Variants in FHIT observed in about 807,000 individuals in gnomAD.
The protein encoded by FHIT is fragile histidine triad diadenosine triphosphatase.
FHIT carries 19 observed loss-of-function variants against 17.9 expected under a neutral mutation model. That is an observed-to-expected ratio of 1.06 (90% CI 0.74 to 1.56). FHIT has a LOEUF of 1.56. Ranked by LOEUF, FHIT falls within the 40% of genes most tolerant of loss-of-function variation. The probability of loss-of-function intolerance (pLI) is 0.00; values close to 1 mark genes in which losing one functional copy is unlikely to be tolerated. For synonymous variants in FHIT, 81 were observed against 69.7 expected (o/e 1.16, Z -0.81); for missense variants, 248 against 189.2 (o/e 1.31, Z -1.82).
intron 9 of FHIT, chr3:59,751,641 C>CAAAG (rs1157625281): frequency 4.4e-6 from 1 of 225,394 alleles, no homozygotes; most frequent in Non-Finnish European, 8.8e-6. Flanking sequence ...ATCATTAAGA[C>CAAAG]AAAGATTAAT....
intron 5 of FHIT, among the ~76,000 whole-genome samples, chr3:60,063,578 G>T (rs1481485772): frequency 6.6e-6 from 1 of 152,136 alleles, no homozygotes; most frequent in Non-Finnish European, 1.5e-5. Context: ...GCCATTGAAA[G>T]ATAAGCAAAT....
chr3:60,303,515 T>G (rs901017204), intron 5 of FHIT, among the ~76,000 whole-genome samples: 1 of 152,176 alleles, frequency 6.6e-6, no homozygotes, highest in Non-Finnish European at 1.5e-5. Context: ...GCTGGACCCA[T>G]GGAAGACCAT....
chr3:60,441,332 T>C (rs1052462134), intron 5 of FHIT, among the ~76,000 whole-genome samples: 2 of 152,022 alleles, frequency 1.3e-5, no homozygotes, highest in African/African-American at 4.8e-5. Flanking sequence ...TTTCTAAAAA[T>C]GTCTAGCAAT....
At chr3:59,767,520 T>C (rs1337918610) in intron 8 of FHIT, among the ~76,000 whole-genome samples, 1 of 152,138 alleles carries the variant, frequency 6.6e-6, no homozygotes, top group Non-Finnish European at 1.5e-5. Context: ...TGGAGTGGTG[T>C]TCCTGGCTGA....
intron 5 of FHIT, among the ~76,000 whole-genome samples, chr3:60,130,401 T>C (rs1699489023): frequency 6.6e-6 from 1 of 152,094 alleles, no homozygotes; most frequent in Non-Finnish European, 1.5e-5. Flanking sequence ...AACAACTCCA[T>C]AAGGAAGGTG....
At chr3:59,763,568 T>C (rs752212747) in intron 8 of FHIT, among the ~76,000 whole-genome samples, 2 of 152,226 alleles carry the variant, frequency 1.3e-5, no homozygotes, top group African/African-American at 2.4e-5. Flanking sequence ...TATAGTGTAA[T>C]AGTAATCAAG....
chr3:60,998,314 G>A (rs2030819214), intron 3 of FHIT, among the ~76,000 whole-genome samples: 1 of 152,120 alleles, frequency 6.6e-6, no homozygotes, highest in Non-Finnish European at 1.5e-5. Context: ...GGTATTACAT[G>A]TTGTAATATA....
intron 5 of FHIT, among the ~76,000 whole-genome samples, chr3:60,287,541 T>TA (rs1707783756): frequency 6.6e-6 from 1 of 152,348 alleles, no homozygotes; most frequent in East Asian, 1.9e-4. Flanking sequence ...GTATTGCTTT[T>TA]AATACTTAGA....
At chr3:59,979,646 T>C (rs990984640) in intron 7 of FHIT, among the ~76,000 whole-genome samples, 7 of 152,094 alleles carry the variant, frequency 4.6e-5, no homozygotes, top group African/African-American at 1.4e-4. Flanking sequence ...TCATGGAACA[T>C]TCCTATCAAT....
At chr3:60,646,415 AG>A (rs2039858945) in intron 4 of FHIT, among the ~76,000 whole-genome samples, 1 of 152,200 alleles carries the variant, frequency 6.6e-6, no homozygotes, top group South Asian at 2.1e-4. Context: ...CTCATAGTTA[AG>A]TCAGATGCCT....
intron 7 of FHIT, among the ~76,000 whole-genome samples, chr3:59,938,538 T>G (rs1706354685): frequency 1.3e-5 from 2 of 152,044 alleles, no homozygotes; most frequent in South Asian, 2.1e-4. Flanking sequence ...GCCAAATGAG[T>G]ATACTTTAGT....
At chr3:59,823,811 C>G (rs138194695) in intron 8 of FHIT, among the ~76,000 whole-genome samples, 122 of 152,206 alleles carry the variant, frequency 8.0e-4, no homozygotes, top group African/African-American at 2.6e-3. Flanking sequence ...CCTCTGTCAC[C>G]ACTTCTATTC....
intron 5 of FHIT, among the ~76,000 whole-genome samples, chr3:60,202,732 T>A (rs1702974038): frequency 6.6e-6 from 1 of 152,134 alleles, no homozygotes; most frequent in African/African-American, 2.4e-5. Flanking sequence ...CTGTTTCCCA[T>A]CATAAGGCCA....
At chr3:59,850,137 G>A (rs938274955) in intron 8 of FHIT, among the ~76,000 whole-genome samples, 2 of 152,264 alleles carry the variant, frequency 1.3e-5, no homozygotes, top group South Asian at 2.1e-4. Context: ...GTTCCCTAGA[G>A]GGAGAAGGTC....
intron 5 of FHIT, among the ~76,000 whole-genome samples, chr3:60,141,781 G>A (rs1036695755): frequency 6.6e-6 from 1 of 152,168 alleles, no homozygotes; most frequent in Non-Finnish European, 1.5e-5. Context: ...ACTTCAGCAA[G>A]AAAACATAAA....
At chr3:60,234,595 T>G (rs530775697) in intron 5 of FHIT, among the ~76,000 whole-genome samples, 5 of 152,358 alleles carry the variant, frequency 3.3e-5, no homozygotes, top group African/African-American at 1.2e-4. Flanking sequence ...AATTCATTTC[T>G]AAGTCTTAGC....
chr3:60,692,700 A>C (rs2041021035), intron 4 of FHIT, among the ~76,000 whole-genome samples: 1 of 152,182 alleles, frequency 6.6e-6, no homozygotes, highest in Admixed American at 6.6e-5. Context: ...CCAAACTGTA[A>C]AATAATAAAT....
At chr3:60,004,667 T>C (rs540900652) in intron 7 of FHIT, among the ~76,000 whole-genome samples, 1 of 152,328 alleles carries the variant, frequency 6.6e-6, no homozygotes, top group South Asian at 2.1e-4. Context: ...CCTGGTCATA[T>C]GATATAATGA....
intron 5 of FHIT, among the ~76,000 whole-genome samples, chr3:60,129,006 G>C (rs1342822093): frequency 1.3e-5 from 2 of 149,450 alleles, no homozygotes; most frequent in African/African-American, 4.9e-5. Flanking sequence ...TTTCCTTCCT[G>C]GTTACTCTAT....
Sources: allele counts gnomAD v4.1 joint callset (sites outside exome capture counted in the v4.1 genomes callset), GRCh38; gene constraint gnomAD v4.1.1; transcripts MANE v1.5; gene names NCBI Gene and HGNC (gene_info 2026-07-23, HGNC 2026-07-21).